The following CCDC73 variants were observed in gnomAD, a reference collection of about 807,000 sequenced individuals.
CCDC73 encodes coiled-coil domain containing 73.
CCDC73 carries 95 observed loss-of-function variants against 116.5 expected under a neutral mutation model. The ratio of observed to expected loss-of-function variants is 0.82; its 90% CI spans 0.69 to 0.97. The LOEUF (loss-of-function observed/expected upper bound fraction) is 0.97. Ranked by LOEUF, CCDC73 falls within the 50% of genes least tolerant of loss-of-function variation. The pLI, the probability that CCDC73 is intolerant of heterozygous loss-of-function variation, is 0.00. For synonymous variants in CCDC73, 398 were observed against 401.3 expected, an observed-to-expected ratio of 0.99 and a Z score of 0.10; for missense variants, 1,066 against 1,206.8, an observed-to-expected ratio of 0.88 and a Z score of 1.73.
At chr11:32,825,594 C>T in the CCDC73 span, among the ~76,000 whole-genome samples, 2 of 152,078 alleles carry the variant, frequency 1.3e-5, no homozygotes, top group Admixed American at 1.3e-4. Context: ...GAGCGCTTGG[C>T]CTCTGATGCA....
chr11:32,763,351 G>A (rs1027348145), intron 1 of CCDC73, among the ~76,000 whole-genome samples: 4 of 152,202 alleles, frequency 2.6e-5, no homozygotes, highest in Non-Finnish European at 4.4e-5. Context: ...CCCCCAGTAG[G>A]GGCAGACTGA....
chr11:32,676,137 A>G, intron 7 of CCDC73, 116 bp from the exon 8 acceptor site: 1 of 753,920 alleles, frequency 1.3e-6, no homozygotes, highest in Non-Finnish European at 1.9e-6. Context: ...TAACATAAAT[A>G]AATGTCATTT....
At chr11:32,658,059 G>C (rs1183170413) in intron 9 of CCDC73, among the ~76,000 whole-genome samples, 1 of 141,866 alleles carries the variant, frequency 7.0e-6, no homozygotes, top group Non-Finnish European at 1.5e-5. Flanking sequence ...AAACCCCACA[G>C]CTTCTGCCTT....
chr11:32,613,457 A>G lies in CCDC73; in HGVS notation c.2861T>C (p.Ile954Thr), dbSNP rs1486428005. 2.5e-6 allele frequency: 4 copies of G among 1,613,658 alleles called. No individual in the cohort carries two copies. Among genetic ancestry groups the G allele is most frequent in the African/African-American group, 2.7e-5 (2 of 74,916 alleles). The change falls in exon 16 of 18, where the codon ATT becomes ACT. Residue 954 changes from isoleucine to threonine, a missense_variant. Physicochemically the swap from Ile to Thr is moderately conservative, Grantham distance 89. Transcript: ENST00000335185. ...ATCCTTTCCAACATCATCCACACCA[A>G]TATTTTTACAAAGAGCCATTGAAAT... The part of the protein sequence containing the change: ...KIISMALCKN[I>T]GVDDVGKDIG...
chr11:32,734,300 G>C (rs1239454884), intron 2 of CCDC73, among the ~76,000 whole-genome samples: 1 of 151,974 alleles, frequency 6.6e-6, no homozygotes, highest in Non-Finnish European at 1.5e-5. Context: ...ACCAAAAAAA[G>C]TCCAGGACCA....
At chr11:32,739,049 T>C (rs566928151) in intron 2 of CCDC73, among the ~76,000 whole-genome samples, 1 of 152,290 alleles carries the variant, frequency 6.6e-6, no homozygotes, top group South Asian at 2.1e-4. Context: ...TGCATTGGTC[T>C]ATGTGTTTGT....
chr11:32,824,836 C>T, the CCDC73 span, among the ~76,000 whole-genome samples: 1 of 152,250 alleles, frequency 6.6e-6, no homozygotes. Context: ...GTAATCCCAG[C>T]ACTTTGGGAG....
chr11:32,694,311 CACAATTGCT>C (rs962246466), intron 6 of CCDC73, among the ~76,000 whole-genome samples: 4 of 152,174 alleles, frequency 2.6e-5, no homozygotes, highest in African/African-American at 9.7e-5. Flanking sequence ...AACTCCCATT[CACAATTGCT>C]ACAAAAGACA....
the CCDC73 span, chr11:32,830,486 TA>T: frequency 1.7e-5 from 24 of 1,433,078 alleles, no homozygotes; most frequent in Admixed American, 1.0e-4. Context: ...TTTTTTTTAA[TA>T]TTTTTTTTTG....
At chr11:32,740,495 C>T (rs1850173817) in intron 2 of CCDC73, among the ~76,000 whole-genome samples, 1 of 151,846 alleles carries the variant, frequency 6.6e-6, no homozygotes, top group African/African-American at 2.4e-5. Flanking sequence ...CTGCTCATAG[C>T]CTCTAAAGAT....
At chr11:32,746,073 CT>C (rs1017464317) in intron 2 of CCDC73, among the ~76,000 whole-genome samples, 1 of 152,096 alleles carries the variant, frequency 6.6e-6, no homozygotes, top group African/African-American at 2.4e-5. Flanking sequence ...CCGTTTGTTC[CT>C]TTCTATGTTT....
chr11:32,747,532 C>G (rs1371926835), intron 2 of CCDC73, among the ~76,000 whole-genome samples: 2 of 152,190 alleles, frequency 1.3e-5, no homozygotes, highest in African/African-American at 4.8e-5. Context: ...GCCCTGCCAC[C>G]AGAGGTGGAA....
At chr11:32,674,952 G>A (rs771366457) in intron 9 of CCDC73, among the ~76,000 whole-genome samples, 3 of 152,068 alleles carry the variant, frequency 2.0e-5, no homozygotes, top group Non-Finnish European at 4.4e-5. Flanking sequence ...ACTTTTTTTA[G>A]TTCCTCAAAT....
rs561856994 is a variant in CCDC73, at chr11:32,727,835, G to A, written c.136-9688C>T. ...TTCACCTGCCTCGGCCTCCCAAAGT[G>A]CTGGGATTACAGGTGTGAGCCACTG... is the stretch of plus-strand genomic sequence containing the variant. On this transcript the variant is annotated intron_variant, in intron 2 of 17. Transcript: ENST00000335185. Among the ~76,000 whole-genome samples, 3 of 152,236 alleles carry A rather than the reference G, an allele frequency of 2.0e-5. No homozygotes were observed. The South Asian group carries it at 6.2e-4, about 32-fold the overall frequency.
intron 2 of CCDC73, among the ~76,000 whole-genome samples, chr11:32,751,464 C>A (rs546853508): frequency 1.3e-5 from 2 of 152,146 alleles, no homozygotes; most frequent in African/African-American, 4.8e-5. Context: ...CCCCCAGCGG[C>A]AAGGCTTGCT....
At chr11:32,724,345 T>C (rs1235183682) in intron 2 of CCDC73, among the ~76,000 whole-genome samples, 1 of 152,166 alleles carries the variant, frequency 6.6e-6, no homozygotes, top group African/African-American at 2.4e-5. Context: ...CATGATTCTA[T>C]TATGATACAT....
the CCDC73 span, among the ~76,000 whole-genome samples, chr11:32,818,953 T>C: frequency 2.0e-5 from 3 of 152,182 alleles, no homozygotes; most frequent in Non-Finnish European, 2.9e-5. Context: ...AGGGCTTCTT[T>C]TGGGGGCCAT....
At chr11:32,757,309 C>T (rs1367767917) in intron 2 of CCDC73, among the ~76,000 whole-genome samples, 1 of 151,810 alleles carries the variant, frequency 6.6e-6, no homozygotes, top group Non-Finnish European at 1.5e-5. Context: ...GAATTTTATT[C>T]TACATAAATT....
intron 14 of CCDC73, among the ~76,000 whole-genome samples, chr11:32,617,793 T>C (rs1207599062): frequency 6.6e-6 from 1 of 152,220 alleles, no homozygotes; most frequent in African/African-American, 2.4e-5. Context: ...TGAGTTCAGT[T>C]TGAACTTACT....
Sources: allele counts gnomAD v4.1 joint callset (sites outside exome capture counted in the v4.1 genomes callset), GRCh38; gene constraint gnomAD v4.1.1; transcripts MANE v1.5; gene names NCBI Gene and HGNC (gene_info 2026-07-23, HGNC 2026-07-21).